Variants in JAKMIP3 observed in about 807,000 individuals in gnomAD.
The protein encoded by JAKMIP3 is Janus kinase and microtubule interacting protein 3, also known as janus kinase and microtubule-interacting protein 3.
Under a neutral mutation model 118.5 loss-of-function variants are expected in JAKMIP3, and 58 were observed. That is an observed-to-expected ratio of 0.49 (90% CI 0.40 to 0.61). The LOEUF is 0.61. Ranked by LOEUF, JAKMIP3 falls within the 20% of genes least tolerant of loss-of-function variation. The pLI is 0.00. For missense variants in JAKMIP3, 950 were observed against 1,109.0 expected (o/e 0.86, Z 2.04); for synonymous variants, 486 against 451.2 (o/e 1.08, Z -0.98).
At position 132,176,632 on chromosome 10, in the gene JAKMIP3, A is replaced by G. The variant is rs528758767; in HGVS notation, c.*1104-5725A>G. Among the ~76,000 whole-genome samples, 46 of 152,234 alleles carry G rather than the reference A, an allele frequency of 3.0e-4. 1 individual carries two copies. Among genetic ancestry groups the G allele is most frequent in the African/African-American group, 1.1e-3 (46 of 41,530 alleles). ...GATCACGGCAGCAGACACATTTCCA[A>G]AAGGCAGACTCTTTAATTGTGTTTG... On this transcript the variant is annotated intron_variant, in intron 23 of 23. Coordinates refer to ENST00000684848, the MANE Select transcript of JAKMIP3 (RefSeq NM_001323087.2).
chr10:132,180,732 T>TGC (rs1472305034), intron 23 of JAKMIP3, among the ~76,000 whole-genome samples: 16 of 12,326 alleles, frequency 1.3e-3, no homozygotes, highest in African/African-American at 6.1e-3. Context: ...TGTGTGTGCG[T>TGC]GTGTGCGTGC....
At chr10:132,102,664 C>G (rs558142757) in intron 1 of JAKMIP3, among the ~76,000 whole-genome samples, 143 of 152,296 alleles carry the variant, frequency 9.4e-4, no homozygotes, top group African/African-American at 3.3e-3. Flanking sequence ...CTCCTTTCAC[C>G]CTCCCTCTGT....
chr10:132,175,393 G>A (rs1023760304), intron 23 of JAKMIP3, among the ~76,000 whole-genome samples: 5 of 152,092 alleles, frequency 3.3e-5, no homozygotes, highest in African/African-American at 1.2e-4. Context: ...TGTTATTAAA[G>A]TCCCTTCTGC....
chr10:132,153,786 G>T lies in JAKMIP3; in HGVS notation c.2101G>T (p.Ala701Ser), dbSNP rs1206349041. Reference sequence around the variant, plus strand: ...GCTCCAGCAGATTGAGGAGACAGAGGCGGCGCTGCAGCGGAAGATGGTGGA... The same window carrying T: ...GCTCCAGCAGATTGAGGAGACAGAGTCGGCGCTGCAGCGGAAGATGGTGGA... ...KWLQQIEETEAALQRKMVDLE... is the reference protein window; with the variant it reads ...KWLQQIEETESALQRKMVDLE... Residue 701 changes from alanine to serine, a missense_variant, in exon 18 of 24, where the codon GCG becomes TCG. Ala to Ser is a moderately conservative substitution (Grantham distance 99, BLOSUM62 1). Coordinates refer to ENST00000684848, the MANE Select transcript of JAKMIP3 (RefSeq NM_001323087.2). The T allele has an allele frequency of 1.9e-6, 3 of 1,613,116 alleles. No individual in the cohort carries two copies. Among genetic ancestry groups the T allele is most frequent in the Non-Finnish European group, 2.5e-6 (3 of 1,179,870 alleles).
chr10:132,163,406 T>C lies in JAKMIP3; in HGVS notation c.2418T>C (p.Ala806=), dbSNP rs747479751. The C allele has an allele frequency of 4.4e-6, 7 of 1,597,996 alleles. No individual in the cohort carries two copies. In the African/African-American group the frequency reaches 8.0e-5, roughly 18 times the overall value. ...LRERMELLQL[A]QQRIKELEER... ...AGCGCATGGAGCTGCTGCAGCTGGC[T>C]CAGCAGGTGTGTGGCAGGCGGGGGC... Residue 806 remains alanine (A), a synonymous_variant, in exon 20 of 24, where the codon GCT becomes GCC. Transcript: ENST00000684848.
Position 132,153,974 on chromosome 10 carries a change from T to C in JAKMIP3, c.2204T>C (p.Leu735Ser). 6.2e-7 allele frequency: 1 copy of C among 1,612,986 alleles called. No individual in the cohort carries two copies. Among genetic ancestry groups the C allele is most frequent in the Non-Finnish European group, 8.5e-7 (1 of 1,179,852 alleles). Residue 735 changes from leucine to serine, a missense_variant, in exon 19 of 24, where the codon TTG (leucine) becomes TCG (serine). Coordinates refer to ENST00000684848, the MANE Select transcript of JAKMIP3 (RefSeq NM_001323087.2). ...DEELDYRKQA[L>S]DQANKHILEL... is the part of the protein sequence containing the mutation. Reference sequence around the variant, plus strand: ...GAGCTGGACTACCGGAAACAGGCCTTGGACCAGGCCAACAAGGTGAGAGGC... The same window carrying C: ...GAGCTGGACTACCGGAAACAGGCCTCGGACCAGGCCAACAAGGTGAGAGGC...
chr10:132,116,133 T>G (rs1287258873), intron 2 of JAKMIP3, among the ~76,000 whole-genome samples: 1 of 152,218 alleles, frequency 6.6e-6, no homozygotes, highest in African/African-American at 2.4e-5. Context: ...TTTCAAACAG[T>G]AACAACACAA....
intron 1 of JAKMIP3, among the ~76,000 whole-genome samples, chr10:132,093,883 T>G (rs537530302): frequency 6.6e-6 from 1 of 152,102 alleles, no homozygotes; most frequent in African/African-American, 2.4e-5. Flanking sequence ...TTCTTGATTG[T>G]TTTTTATTTG....
intron 3 of JAKMIP3, among the ~76,000 whole-genome samples, chr10:132,132,499 C>T (rs560694772): frequency 8.1e-4 from 118 of 145,788 alleles, no homozygotes; most frequent in Non-Finnish European, 1.4e-3. Flanking sequence ...GCCATATCCC[C>T]GGAAGGAAGG....
In JAKMIP3 at chr10:132,138,207, AGAGTACGCCGGGTGTGTGC is replaced by A. The variant is rs1467404215; in HGVS notation, c.1344+31_1344+49del. On this transcript the variant is annotated intron_variant, in intron 9 of 23. Coordinates refer to ENST00000684848, the MANE Select transcript of JAKMIP3 (RefSeq NM_001323087.2). ...AGGAACAGCACACCGGCACGTGCGG[AGAGTACGCCGGGTGTGTGC>A]GGAGAGGACCACGCCCGCGTGTGTG... 3 of 1,582,812 alleles carry A rather than the reference AGAGTACGCCGGGTGTGTGC, an allele frequency of 1.9e-6. No individual in the cohort carries two copies. In the African/African-American group the frequency reaches 4.3e-5, roughly 23 times the overall value.
At chr10:132,174,425 AGTGGGCTCCGTGGGCTCT>A (rs796495855) in intron 23 of JAKMIP3, among the ~76,000 whole-genome samples, 24 of 151,396 alleles carry the variant, frequency 1.6e-4, no homozygotes, top group South Asian at 4.2e-4. Context: ...CCGTGGGCTC[AGTGGGCTCCGTGGGCTCT>A]GTGGGCTCCG....
In JAKMIP3 at chr10:132,171,648, C is replaced by CTTT. The variant is rs1324091102; in HGVS notation, c.*1103+2616_*1103+2618dup. ...CCTGATGTCCCTGTCTTATTTTTTT[C>CTTT]TTTCTTTTTTTTTTTTTTTTTTGAG... On this transcript the variant is annotated intron_variant, in intron 23 of 23. Transcript: ENST00000684848. 6.6e-4 allele frequency among the ~76,000 whole-genome samples: 83 copies of CTTT among 125,552 alleles called. 1 individual carries two copies. The highest frequency in any genetic ancestry group is 4.5e-3 in the Middle Eastern group (1 of 224). 82.4% of individuals were successfully genotyped at this position (125,552 alleles called of 152,430 possible).
rs2060449880 is a variant in JAKMIP3, at chr10:132,179,041, C to T, written c.*1104-3316C>T. Among the ~76,000 whole-genome samples, 1 of 152,244 alleles carries T rather than the reference C, an allele frequency of 6.6e-6. No homozygotes were observed. Among genetic ancestry groups the T allele is most frequent in the Admixed American group, 6.5e-5 (1 of 15,290 alleles). On this transcript the variant is annotated intron_variant, in intron 23 of 23. Coordinates refer to ENST00000684848, the MANE Select transcript of JAKMIP3 (RefSeq NM_001323087.2). This position sits in a 1 kb window ranked among gnomAD's most constrained non-coding sequence, Gnocchi z 4.3. ...TGCCCGTGGGGCTGGGGGCCCCGAC[C>T]TGTGGAAACACCCTGTGTCAGCCCT...
In JAKMIP3 at chr10:132,149,457, T is replaced by G. The variant is rs746127068; in HGVS notation, c.1894T>G (p.Phe632Val). 1.2e-6 allele frequency: 2 copies of G among 1,605,782 alleles called. No individual in the cohort carries two copies. Among genetic ancestry groups the G allele is most frequent in the Non-Finnish European group, 1.7e-6 (2 of 1,177,138 alleles). Residue 632 changes from phenylalanine (F) to valine (V), a missense_variant, in exon 15 of 24, where the codon TTC becomes GTC. Transcript: ENST00000684848. ...SPAISFHHTP[F>V]VDGKSPLQVY... ...CGCCATCAGCTTCCACCACACGCCC[T>G]TCGTGGACGGGAAGAGCCCCCTCCA...
intron 19 of JAKMIP3, 47 bp from the exon 20 acceptor site, chr10:132,163,162 G>C: frequency 6.6e-7 from 1 of 1,525,722 alleles, no homozygotes; most frequent in Non-Finnish European, 8.9e-7. Context: ...TGAAAGGTTT[G>C]TTCTGGGGAG....
chr10:132,056,767 A>G (rs986908655), intron 1 of JAKMIP3, among the ~76,000 whole-genome samples: 1 of 152,166 alleles, frequency 6.6e-6, no homozygotes, highest in African/African-American at 2.4e-5. Flanking sequence ...CCGGTGCACC[A>G]CCAGTGAGGC....
At chr10:132,105,512 G>A (rs1281763700) in intron 2 of JAKMIP3, among the ~76,000 whole-genome samples, 1 of 150,728 alleles carries the variant, frequency 6.6e-6, no homozygotes, top group Non-Finnish European at 1.5e-5. Flanking sequence ...GAAAGATTGG[G>A]CTGTGCTGAG....
chr10:132,145,726 G>A (rs1288043207), intron 13 of JAKMIP3, 146 bp downstream of exon 13: 10 of 690,398 alleles, frequency 1.4e-5, no homozygotes, highest in South Asian at 5.6e-5. Flanking sequence ...TCCCTCCTGC[G>A]GGACCCCATC....
chr10:132,133,525 C>T lies in JAKMIP3; in HGVS notation c.847C>T (p.Pro283Ser), dbSNP rs1564937599. Residue 283 changes from proline (P) to serine (S), a missense_variant and splice_region_variant, in exon 4 of 24, where the codon CCT becomes TCT. Transcript: ENST00000684848. Reference sequence around the variant, plus strand: ...AGACGCTTCAGACCACTCGGGAAGCCCTGTAAGCACCTCCCAGGCCCACCG... The same window carrying T: ...AGACGCTTCAGACCACTCGGGAAGCTCTGTAAGCACCTCCCAGGCCCACCG... ...AGDASDHSGS[P>S]EQQLDEKDAR... 3.8e-6 allele frequency: 6 copies of T among 1,558,860 alleles called. No individual in the cohort carries two copies. Among genetic ancestry groups the T allele is most frequent in the Admixed American group, 3.8e-5 (2 of 52,000 alleles).
Sources: allele counts gnomAD v4.1 joint callset (sites outside exome capture counted in the v4.1 genomes callset), GRCh38; gene constraint gnomAD v4.1.1; non-coding constraint Gnocchi (gnomAD v3.1); transcripts MANE v1.5; gene names NCBI Gene and HGNC (gene_info 2026-07-23, HGNC 2026-07-21).